The following DLG5 variants were observed in gnomAD, a reference collection of about 807,000 sequenced individuals.
DLG5 encodes the protein disks large homolog 5.
A neutral mutation model predicts 189.8 loss-of-function variants in DLG5; 48 were observed. The observed-to-expected ratio is 0.25, with a 90% CI of 0.20 to 0.32. The LOEUF (loss-of-function observed/expected upper bound fraction) is 0.32. Among genes scored for constraint, DLG5 ranks in the 10% least tolerant of loss-of-function variants. The pLI, the probability that DLG5 is intolerant of heterozygous loss-of-function variation, is 1.00. For synonymous variants in DLG5, 1,016 were observed against 1,054.1 expected (o/e 0.96, Z 0.70); for missense variants, 2,160 against 2,544.7 (o/e 0.85, Z 3.25).
Position 77,806,804 on chromosome 10 carries a change from C to T in DLG5, c.4921G>A (p.Glu1641Lys), listed in dbSNP as rs147883846. ...CCGCGCTGGATCTTCTGGGCATTCT[C>T]GTCCAGCTGCCAAGCCATCCAGGAC... ...FGSWMAWQLD[E>K]NAQKIQRGQI... The change falls in exon 26 of 32, where the codon GAG becomes AAG. Residue 1641 changes from glutamate to lysine, a missense_variant. By Grantham distance (56) the Glu-to-Lys change is moderately conservative. Around this residue, in one of 5 missense-constraint regions of DLG5, gnomAD observed 574 missense variants for 644.2 expected, o/e 0.89. Transcript: ENST00000372391. 2.5e-5 allele frequency: 41 copies of T among 1,610,802 alleles called. No homozygotes were observed. Among genetic ancestry groups the T allele is most frequent in the Non-Finnish European group, 3.1e-5 (36 of 1,178,016 alleles).
At chr10:77,902,445 T>C (rs952865264) in intron 1 of DLG5, among the ~76,000 whole-genome samples, 3 of 152,318 alleles carry the variant, frequency 2.0e-5, no homozygotes, top group Non-Finnish European at 2.9e-5. Context: ...CAAAGATCTA[T>C]AGCATGAGGT....
At chr10:77,864,385 GCAC>G (rs959180512) in intron 2 of DLG5, among the ~76,000 whole-genome samples, 51 of 152,262 alleles carry the variant, frequency 3.3e-4, no homozygotes, top group African/African-American at 1.2e-3. Flanking sequence ...AGTCATCAGA[GCAC>G]CACGTCATCC....
At chr10:77,860,712 G>A (rs1844439401) in intron 2 of DLG5, among the ~76,000 whole-genome samples, 1 of 152,196 alleles carries the variant, frequency 6.6e-6, no homozygotes, top group Non-Finnish European at 1.5e-5. Context: ...TCTTACCAAG[G>A]TTAAATAGTG....
chr10:77,881,173 AT>A (rs1414242837), intron 1 of DLG5, among the ~76,000 whole-genome samples: 1 of 151,886 alleles, frequency 6.6e-6, no homozygotes, highest in Non-Finnish European at 1.5e-5. Flanking sequence ...GGATTTCACC[AT>A]GTTGGCCAGG....
chr10:77,878,477 C>T (rs1345181009), intron 1 of DLG5, among the ~76,000 whole-genome samples: 1 of 152,180 alleles, frequency 6.6e-6, no homozygotes, highest in East Asian at 1.9e-4. Flanking sequence ...CTGCAGTGTA[C>T]ACAGACAGCA....
intron 6 of DLG5, 42 bp downstream of exon 6, chr10:77,843,405 T>C (rs766857700): frequency 6.5e-5 from 105 of 1,603,534 alleles, no homozygotes; most frequent in Non-Finnish European, 8.6e-5. Context: ...GGGAACCTTA[T>C]AGGACCCATT....
At position 77,792,036 on chromosome 10, in the gene DLG5, T is replaced by A; in HGVS notation, c.*404A>T. 5.5e-6 allele frequency: 1 copy of A among 182,588 alleles called. No homozygotes were observed. Among genetic ancestry groups the A allele is most frequent in the Non-Finnish European group, 1.1e-5 (1 of 87,434 alleles). The allele number at this position is 182,588 out of a possible 1,614,324, so 11.3% of individuals were successfully genotyped here. On this transcript the variant is annotated 3_prime_UTR_variant, in exon 32 of 32. Coordinates refer to ENST00000372391, the MANE Select transcript of DLG5 (RefSeq NM_004747.4). Reference sequence around the variant, plus strand: ...AAACCAACACCAAAGCGACAGGGGGTTGACAGAGGGGACAGGGGCTGGGCA... The same window carrying A: ...AAACCAACACCAAAGCGACAGGGGGATGACAGAGGGGACAGGGGCTGGGCA...
At chr10:77,879,474 T>A (rs1380265520) in intron 1 of DLG5, among the ~76,000 whole-genome samples, 1 of 151,892 alleles carries the variant, frequency 6.6e-6, no homozygotes, top group Non-Finnish European at 1.5e-5. Flanking sequence ...CTACTTAGGC[T>A]CATTAGATGA....
intron 31 of DLG5, chr10:77,793,260 TCACACACACACCCACA>T (rs1342292087): frequency 6.7e-6 from 1 of 150,334 alleles, no homozygotes; most frequent in East Asian, 2.0e-4. Context: ...AAATGAAAGT[TCACACACACACCCACA>T]CACACACACA....
At position 77,793,998 on chromosome 10, in the gene DLG5, G is replaced by A. The variant is rs74664285; in HGVS notation, c.5656+10C>T. On this transcript the variant is annotated intron_variant, in intron 31 of 31. Transcript: ENST00000372391. ...TGCCTGCTCCCCACTCCAGGCCCACGCACACCTACCTGTGAAGTACCTGCT... is the reference window on the plus strand; with the variant it reads ...TGCCTGCTCCCCACTCCAGGCCCACACACACCTACCTGTGAAGTACCTGCT... The A allele has an allele frequency of 8.5e-5, 137 of 1,611,632 alleles. No homozygotes were observed. The East Asian group carries it at 1.7e-3, about 20-fold the overall frequency.
chr10:77,865,082 G>T (rs574493277), intron 2 of DLG5, among the ~76,000 whole-genome samples: 1 of 152,174 alleles, frequency 6.6e-6, no homozygotes, highest in South Asian at 2.1e-4. Flanking sequence ...CCCCTCATCA[G>T]AACTAACTGC....
intron 1 of DLG5, among the ~76,000 whole-genome samples, chr10:77,924,279 G>T (rs1285494308): frequency 6.6e-6 from 1 of 152,106 alleles, no homozygotes; most frequent in Non-Finnish European, 1.5e-5. Flanking sequence ...GGTAAAACTG[G>T]GGTCTGAAAT....
rs901159321 is a variant in DLG5 at position 77,868,227 on chromosome 10, C to A, written c.373+902G>T. On this transcript the variant is annotated intron_variant, in intron 2 of 31. Transcript: ENST00000372391. ...ACTAAGATGGAACTCGCCGGCTGGTCACTGTCTTCCCTCTTATCACACTAC... is the reference window on the plus strand; with the variant it reads ...ACTAAGATGGAACTCGCCGGCTGGTAACTGTCTTCCCTCTTATCACACTAC... 6.3e-5 allele frequency: 26 copies of A among 411,682 alleles called. 1 individual carries two copies. Among genetic ancestry groups the A allele is most frequent in the South Asian group, 3.7e-4 (21 of 56,640 alleles). 25.5% of individuals were successfully genotyped at this position (411,682 alleles called of 1,614,324 possible). A position where few individuals can be genotyped will look rare whatever the true frequency, so the allele number is the denominator to read the frequency against.
At chr10:77,832,289 C>T (rs547017833) in intron 9 of DLG5, among the ~76,000 whole-genome samples, 2 of 152,352 alleles carry the variant, frequency 1.3e-5, no homozygotes, top group African/African-American at 4.8e-5. Context: ...ACTCAGAAGC[C>T]TCGTTATATC....
chr10:77,796,716 G>A lies in DLG5; in HGVS notation c.5165-122C>T. ...TTTGCCTGGGACTCCCCCAGCTTCAGCACTGAAAATCTCGTGTCCCAGGCA... is the reference window on the plus strand; with the variant it reads ...TTTGCCTGGGACTCCCCCAGCTTCAACACTGAAAATCTCGTGTCCCAGGCA... On this transcript the variant is annotated intron_variant, in intron 27 of 31. Transcript: ENST00000372391. This position sits in a 1 kb window ranked among gnomAD's most constrained non-coding sequence, Gnocchi z 5.2. The A allele has an allele frequency of 1.6e-6, 2 of 1,275,844 alleles. No individual in the cohort carries two copies. The highest frequency in any genetic ancestry group is 2.2e-6 in the Non-Finnish European group (2 of 918,524). The allele number at this position is 1,275,844 out of a possible 1,614,324, so 79.0% of individuals were successfully genotyped here. A position where few individuals can be genotyped will look rare whatever the true frequency, so the allele number is the denominator to read the frequency against.
At chr10:77,819,592 T>A (rs1842234600) in intron 16 of DLG5, 127 bp from the exon 17 acceptor site, 4 of 1,295,502 alleles carry the variant, frequency 3.1e-6, no homozygotes, top group Non-Finnish European at 4.1e-6. Context: ...GGAGATGAGT[T>A]TTAACCACCA....
intron 1 of DLG5, among the ~76,000 whole-genome samples, chr10:77,904,214 T>C (rs1428199700): frequency 6.6e-6 from 1 of 152,176 alleles, no homozygotes; most frequent in Non-Finnish European, 1.5e-5. Context: ...AAAGAACATG[T>C]TGCTCCTCTC....
rs891427667 is a variant in DLG5, at chr10:77,796,825, C to T, written c.5165-231G>A. On this transcript the variant is annotated intron_variant, in intron 27 of 31. Coordinates refer to ENST00000372391, the MANE Select transcript of DLG5 (RefSeq NM_004747.4). The surrounding 1 kb of genome is among the most constrained non-coding windows in gnomAD (Gnocchi z 5.2). The stretch of plus-strand genomic sequence containing the variant: ...CACCAGAGGCAGCTGGTCTCAACCA[C>T]TCATCCCAGAGCTTCCTTCTGCTCT... Among the ~76,000 whole-genome samples the T allele has an allele frequency of 3.3e-5, 5 of 152,234 alleles. No homozygotes were observed. The highest frequency in any genetic ancestry group is 1.2e-4 in the African/African-American group (5 of 41,460).
At chr10:77,881,020 T>TGGA (rs1845265787) in intron 1 of DLG5, among the ~76,000 whole-genome samples, 1 of 131,562 alleles carries the variant, frequency 7.6e-6, no homozygotes, top group East Asian at 2.5e-4. Flanking sequence ...TCACCCAGGC[T>TGGA]GGAGTGCAGT....
Sources: allele counts gnomAD v4.1 joint callset (sites outside exome capture counted in the v4.1 genomes callset), GRCh38; gene constraint gnomAD v4.1.1; regional missense constraint gnomAD v4.1.1; non-coding constraint Gnocchi (gnomAD v3.1); transcripts MANE v1.5; gene names NCBI Gene and HGNC (gene_info 2026-07-23, HGNC 2026-07-21).